MAX: variants seen among roughly 807,000 people sequenced by gnomAD.
MAX encodes protein max.
MAX carries 3 observed loss-of-function variants against 22.3 expected under a neutral mutation model. The observed-to-expected ratio is 0.13, with a 90% CI of 0.06 to 0.35. The LOEUF (loss-of-function observed/expected upper bound fraction) is 0.35. Ranked by LOEUF, MAX falls within the 10% of genes least tolerant of loss-of-function variation. The probability of loss-of-function intolerance (pLI) is 1.00; values close to 1 mark genes in which losing one functional copy is unlikely to be tolerated. For synonymous variants in MAX, 72 were observed against 77.7 expected (o/e 0.93, Z 0.39); for missense variants, 119 against 209.4 (o/e 0.57, Z 2.66).
rs769556051 is a variant in MAX, at chr14:65,044,313, A to G, written c.172-38029T>C. 8.7e-6 allele frequency: 14 copies of G among 1,613,178 alleles called. No homozygotes were observed. The highest frequency in any genetic ancestry group is 8.0e-5 in the African/African-American group (6 of 74,904). On this transcript the variant is annotated intron_variant, in intron 3 of 3. Transcript: ENST00000341653. This position sits in a 1 kb window ranked among gnomAD's most constrained non-coding sequence, Gnocchi z 5.5. ...CTTTCCCATCTGTGTCTCCTCAGCA[A>G]TGGGTGACAAGCCGGCAGATGCGAT...
chr14:65,102,155 G>A (rs1382657547), intron 1 of MAX, 149 bp downstream of exon 1: 6 of 1,435,900 alleles, frequency 4.2e-6, no homozygotes, highest in African/African-American at 2.8e-5. Context: ...GGAGCGAACC[G>A]GGAACGCGAC....
In MAX at chr14:65,053,377, G is replaced by C. The variant is rs2296317; in HGVS notation, c.171+40331C>G. On this transcript the variant is annotated intron_variant, in intron 3 of 3. Transcript: ENST00000341653. ...GAGTGTTTTCTCTCTGGGGAGGGAA[G>C]GGAGAGGGGAGGAGAGAGCAGAGGG... 2.8e-4 allele frequency: 396 copies of C among 1,395,692 alleles called. 2 individuals are homozygous for C. In the East Asian group the frequency reaches 0.01, roughly 36 times the overall value. 86.5% of individuals were successfully genotyped at this position (1,395,692 alleles called of 1,614,324 possible).
rs1420927032 is a variant in MAX, at chr14:65,007,862, G to A, written c.172-1578C>T. On this transcript the variant is annotated intron_variant, in intron 3 of 3. Coordinates refer to the MAX transcript ENST00000341653. This position sits in a 1 kb window ranked among gnomAD's most constrained non-coding sequence, Gnocchi z 4.9. Reference sequence around the variant, plus strand: ...TTTGTTTTCTCCTGGGCAAGGAGACGGGTGCTCCTCAGAAGTGAGAAATAT... The same window carrying A: ...TTTGTTTTCTCCTGGGCAAGGAGACAGGTGCTCCTCAGAAGTGAGAAATAT... Among the ~76,000 whole-genome samples the A allele has an allele frequency of 2.6e-5, 4 of 152,132 alleles. No individual in the cohort carries two copies. Among genetic ancestry groups the A allele is most frequent in the Non-Finnish European group, 4.4e-5 (3 of 68,022 alleles).
At chr14:65,022,817 A>G (rs1221038099) in intron 3 of MAX, among the ~76,000 whole-genome samples, 1 of 151,814 alleles carries the variant, frequency 6.6e-6, no homozygotes, top group Non-Finnish European at 1.5e-5. Context: ...GTTCTTCACA[A>G]CTCGTGGACC....
At chr14:65,067,090 A>AT (rs1161170081) in intron 3 of MAX, among the ~76,000 whole-genome samples, 2 of 150,966 alleles carry the variant, frequency 1.3e-5, no homozygotes, top group African/African-American at 4.9e-5. Flanking sequence ...GGAGGCTAAG[A>AT]TGGGGGGTCA....
Position 65,030,146 on chromosome 14 carries a change from C to T in MAX, c.172-23862G>A, listed in dbSNP as rs1393790974. Among the ~76,000 whole-genome samples the T allele has an allele frequency of 6.6e-6, 1 of 152,224 alleles. No homozygotes were observed. Among genetic ancestry groups the T allele is most frequent in the African/African-American group, 2.4e-5 (1 of 41,452 alleles). On this transcript the variant is annotated intron_variant, in intron 3 of 3. Transcript: ENST00000341653. This position sits in a 1 kb window ranked among gnomAD's most constrained non-coding sequence, Gnocchi z 4.5. ...GAGAGGCAAACTGTATTATAGGTCG[C>T]CTCCTACCTCACAAGTCACAATAGG...
rs758063241 is a variant in MAX at position 65,027,677 on chromosome 14, A to G, written c.172-21393T>C. 5.6e-6 allele frequency: 9 copies of G among 1,613,964 alleles called. No individual in the cohort carries two copies. The highest frequency in any genetic ancestry group is 4.5e-5 in the East Asian group (2 of 44,886). On this transcript the variant is annotated intron_variant, in intron 3 of 3. Coordinates refer to the MAX transcript ENST00000341653. The surrounding 1 kb of genome is among the most constrained non-coding windows in gnomAD (Gnocchi z 5.7). ...ACACGCACTGACTGTTGCCTCTCCTACCTCTTTCCCTGTTTCTCAGAGAGA... is the reference window on the plus strand; with the variant it reads ...ACACGCACTGACTGTTGCCTCTCCTGCCTCTTTCCCTGTTTCTCAGAGAGA...
rs1474129949 is a variant in MAX, at chr14:65,062,912, G to A, written c.171+30796C>T. On this transcript the variant is annotated intron_variant, in intron 3 of 3. Coordinates refer to the MAX transcript ENST00000341653. The surrounding 1 kb of genome is among the most constrained non-coding windows in gnomAD (Gnocchi z 4.3). ...GCTATGTCCCAGCCCTCCACACACT[G>A]CACTTCATGGTCTGTCTCCGACAGA... is the stretch of plus-strand genomic sequence containing the variant. Among the ~76,000 whole-genome samples, 1 of 152,186 alleles carries A rather than the reference G, an allele frequency of 6.6e-6. No individual in the cohort carries two copies. Among genetic ancestry groups the A allele is most frequent in the African/African-American group, 2.4e-5 (1 of 41,450 alleles).
In MAX at chr14:65,069,676, C is replaced by G. The variant is rs182617441; in HGVS notation, c.171+24032G>C. On this transcript the variant is annotated intron_variant, in intron 3 of 3. Coordinates refer to the MAX transcript ENST00000341653. This position sits in a 1 kb window ranked among gnomAD's most constrained non-coding sequence, Gnocchi z 4.6. ...CTGGCACACGCACATATGCATGCAG[C>G]ATTTGTAGAGTACCCACCACAAGCC... Among the ~76,000 whole-genome samples, 10 of 152,348 alleles carry G rather than the reference C, an allele frequency of 6.6e-5. No individual in the cohort carries two copies. Among genetic ancestry groups the G allele is most frequent in the African/African-American group, 2.4e-4 (10 of 41,580 alleles).
chr14:65,017,084 G>A (rs562104614), intron 3 of MAX, among the ~76,000 whole-genome samples: 53 of 152,002 alleles, frequency 3.5e-4, no homozygotes, highest in African/African-American at 1.3e-3. Context: ...CACCGTGCCT[G>A]GCTAATTTTT....
intron 3 of MAX, among the ~76,000 whole-genome samples, chr14:65,087,859 T>C (rs2063380703): frequency 6.6e-6 from 1 of 152,284 alleles, no homozygotes; most frequent in Admixed American, 6.5e-5. Context: ...CACCCAAATC[T>C]CATCTTGAAT....
intron 3 of MAX, among the ~76,000 whole-genome samples, chr14:65,039,710 TAGAA>T (rs1299302252): frequency 6.6e-6 from 1 of 152,174 alleles, no homozygotes; most frequent in East Asian, 1.9e-4. Flanking sequence ...CTGGGTAACT[TAGAA>T]AGAAAAGAGG....
At chr14:65,022,160 TTTAG>T (rs1453666536) in intron 3 of MAX, 1 of 438,842 alleles carries the variant, frequency 2.3e-6, no homozygotes, top group South Asian at 1.6e-5. Context: ...CTGAAGCTGT[TTTAG>T]TTAGTACGAG....
At position 65,029,133 on chromosome 14, in the gene MAX, C is replaced by T. The variant is rs560012434; in HGVS notation, c.172-22849G>A. 6.6e-6 allele frequency among the ~76,000 whole-genome samples: 1 copy of T among 152,264 alleles called. No homozygotes were observed. The highest frequency in any genetic ancestry group is 1.5e-5 in the Non-Finnish European group (1 of 68,028). ...GCCATATTCTTCCCTGACCTTTGCT[C>T]TTTGGGTGATGCTCTGCCATTCGTG... On this transcript the variant is annotated intron_variant, in intron 3 of 3. Transcript: ENST00000341653. The surrounding 1 kb of genome is among the most constrained non-coding windows in gnomAD (Gnocchi z 4.7).
rs2063567445 is a variant in MAX at position 65,093,355 on chromosome 14, G to C, written c.171+353C>G. 6.5e-6 allele frequency: 2 copies of C among 306,734 alleles called. No homozygotes were observed. Among genetic ancestry groups the C allele is most frequent in the South Asian group, 3.2e-5 (1 of 31,624 alleles). The allele number at this position is 306,734 out of a possible 1,614,324, so 19.0% of individuals were successfully genotyped here. ...GAAAGGAATTCTCATGGAGGTCTAG[G>C]GTATTAATGACCTCTGGAATCTTTA... On this transcript the variant is annotated intron_variant, in intron 3 of 4. Coordinates refer to ENST00000358664, the MANE Select transcript of MAX (RefSeq NM_002382.5). The surrounding 1 kb of genome is among the most constrained non-coding windows in gnomAD (Gnocchi z 4.4).
chr14:65,010,373 A>G (rs573285403), intron 3 of MAX, among the ~76,000 whole-genome samples: 38 of 152,236 alleles, frequency 2.5e-4, no homozygotes, highest in African/African-American at 9.1e-4. Flanking sequence ...TGTGTGTGTA[A>G]CCTGAATCCC....
At chr14:65,092,048 A>T (rs2063523327) in intron 3 of MAX, among the ~76,000 whole-genome samples, 2 of 152,244 alleles carry the variant, frequency 1.3e-5, no homozygotes, top group South Asian at 4.1e-4. Flanking sequence ...AAGAAAGGAG[A>T]AAATAGGATT....
At chr14:65,094,518 T>C (rs1595168757) in intron 2 of MAX, among the ~76,000 whole-genome samples, 1 of 152,214 alleles carries the variant, frequency 6.6e-6, no homozygotes, top group Admixed American at 6.5e-5. Flanking sequence ...TGACAGGCAG[T>C]TCTTAGAGGG....
rs1321797909 is a variant in MAX at position 65,007,189 on chromosome 14, A to G, written c.172-905T>C. Among the ~76,000 whole-genome samples the G allele has an allele frequency of 2.6e-5, 4 of 152,254 alleles. No individual in the cohort carries two copies. The highest frequency in any genetic ancestry group is 5.9e-5 in the Non-Finnish European group (4 of 68,044). ...TCACCATCATAGAATAAGCGAGGAT[A>G]TAAGAATAAATTAGAAAATTTATCA... On this transcript the variant is annotated intron_variant, in intron 3 of 3. Coordinates refer to the MAX transcript ENST00000341653. This position sits in a 1 kb window ranked among gnomAD's most constrained non-coding sequence, Gnocchi z 4.9.
Sources: allele counts gnomAD v4.1 joint callset (sites outside exome capture counted in the v4.1 genomes callset), GRCh38; gene constraint gnomAD v4.1.1; non-coding constraint Gnocchi (gnomAD v3.1); transcripts MANE v1.5; gene names NCBI Gene and HGNC (gene_info 2026-07-23, HGNC 2026-07-21).